Variants in LCMT1 observed in about 807,000 individuals in gnomAD.
The protein encoded by LCMT1 is [Phosphatase 2A protein]-leucine-carboxy methyltransferase 1.
In LCMT1, 32 loss-of-function variants were observed where a neutral mutation model predicts 47.7. That is an observed-to-expected ratio of 0.67 (90% confidence interval 0.51 to 0.90). The LOEUF (loss-of-function observed/expected upper bound fraction) is 0.90, where lower values mean the gene tolerates loss of function less well. LCMT1 is among the 40% of genes least tolerant of loss of function. LCMT1 has a pLI of 0.00. For synonymous variants in LCMT1, 152 were observed against 149.7 expected (o/e 1.02, Z -0.11); for missense variants, 375 against 415.2 (o/e 0.90, Z 0.84).
intron 9 of LCMT1, 189 bp from the exon 10 acceptor site, chr16:25,174,748 T>C (rs1961875811): frequency 5.5e-6 from 2 of 363,246 alleles, no homozygotes; most frequent in Admixed American, 4.8e-5. Flanking sequence ...ATTTTGACTT[T>C]GTTTATGGTA....
In LCMT1 at chr16:25,168,884, A is replaced by G. The variant is rs141554752; in HGVS notation, c.691-228A>G. On this transcript the variant is annotated intron_variant, in intron 7 of 10. Coordinates refer to ENST00000399069, the MANE Select transcript of LCMT1 (RefSeq NM_016309.3). ...CTTTTGGTGGAATTGGTGGATCACA[A>G]GTTGAGCATTTAAAATGGTTGTATC... 1.4e-3 allele frequency among the ~76,000 whole-genome samples: 206 copies of G among 152,256 alleles called. 1 individual carries two copies. Among genetic ancestry groups the G allele is most frequent in the African/African-American group, 4.8e-3 (199 of 41,536 alleles).
intron 2 of LCMT1, 34 bp downstream of exon 2, chr16:25,128,600 A>C: frequency 7.0e-4 from 1,033 of 1,481,908 alleles, no homozygotes; most frequent in Non-Finnish European, 8.8e-4. Context: ...ACAGCACCTC[A>C]TCAGCTACCT....
At chr16:25,163,126 T>G (rs1193188447) in intron 6 of LCMT1, among the ~76,000 whole-genome samples, 1 of 152,206 alleles carries the variant, frequency 6.6e-6, no homozygotes, top group Non-Finnish European at 1.5e-5. Context: ...CCTCCCAAAG[T>G]GTTGGAATTA....
At position 25,128,120 on chromosome 16, in the gene LCMT1, A is replaced by C. The variant is rs141489534; in HGVS notation, c.114-355A>C. On this transcript the variant is annotated intron_variant, in intron 1 of 10. Coordinates refer to ENST00000399069, the MANE Select transcript of LCMT1 (RefSeq NM_016309.3). ...CTTTTTCATTTAGTGGAATTAACTG[A>C]CTAGCTCTGGCCATGAGTTTGCAGA... Among the ~76,000 whole-genome samples the C allele has an allele frequency of 7.9e-3, 1,203 of 152,302 alleles. 13 individuals are homozygous for C. Among genetic ancestry groups the C allele is most frequent in the Non-Finnish European group, 0.01 (686 of 68,026 alleles).
At chr16:25,153,610 A>T (rs1257439055) in intron 5 of LCMT1, among the ~76,000 whole-genome samples, 1 of 152,166 alleles carries the variant, frequency 6.6e-6, no homozygotes, top group Non-Finnish European at 1.5e-5. Context: ...GGAGGGACAC[A>T]TTCAAACCAT....
intron 4 of LCMT1, chr16:25,147,399 CG>C (rs1960894418): frequency 6.6e-6 from 1 of 152,122 alleles, no homozygotes; most frequent in South Asian, 2.1e-4. Context: ...AGGGAGTGCT[CG>C]GGGCCTGAGG....
chr16:25,166,944 C>G (rs2141707293), intron 7 of LCMT1, among the ~76,000 whole-genome samples: 1 of 152,298 alleles, frequency 6.6e-6, no homozygotes, highest in East Asian at 1.9e-4. Flanking sequence ...TTCAGGATAA[C>G]CACATCTGGG....
At chr16:25,165,343 G>T (rs1961555285) in intron 7 of LCMT1, among the ~76,000 whole-genome samples, 1 of 152,166 alleles carries the variant, frequency 6.6e-6, no homozygotes, top group Non-Finnish European at 1.5e-5. Context: ...CTGCTTTAGA[G>T]CTTTGGAATA....
chr16:25,165,057 G>T (rs1299681021), intron 7 of LCMT1, among the ~76,000 whole-genome samples: 1 of 152,106 alleles, frequency 6.6e-6, no homozygotes, highest in Non-Finnish European at 1.5e-5. Flanking sequence ...GGACAGGCAG[G>T]TGGGGTCAGT....
At chr16:25,120,752 G>T (rs146770935) in intron 1 of LCMT1, among the ~76,000 whole-genome samples, 1,917 of 113,908 alleles carry the variant, frequency 0.017, 48 homozygotes, top group African/African-American at 0.051. Flanking sequence ...TTTTTTTTTT[G>T]TTTTTTTTTT....
At chr16:25,152,687 AT>A (rs1176223603) in intron 5 of LCMT1, among the ~76,000 whole-genome samples, 3 of 152,154 alleles carry the variant, frequency 2.0e-5, no homozygotes, top group African/African-American at 7.2e-5. Context: ...CATGGGAACA[AT>A]TAAATAGTGG....
chr16:25,163,536 A>G (rs1181304657), intron 6 of LCMT1, among the ~76,000 whole-genome samples: 4 of 151,864 alleles, frequency 2.6e-5, no homozygotes, highest in African/African-American at 4.8e-5. Context: ...TCATTTGTCT[A>G]TTCACTCATT....
Position 25,169,162 on chromosome 16 carries a change from A to T in LCMT1, c.741A>T (p.Arg247Ser). 1 of 1,613,628 alleles carries T rather than the reference A, an allele frequency of 6.2e-7. No homozygotes were observed. Among genetic ancestry groups the T allele is most frequent in the Non-Finnish European group, 8.5e-7 (1 of 1,179,826 alleles). The change falls in exon 8 of 11, where the codon AGA becomes AGT. Residue 247 changes from arginine to serine, a missense_variant. Coordinates refer to ENST00000399069, the MANE Select transcript of LCMT1 (RefSeq NM_016309.3). ...AGATCATGATTGAAAACCTGCGGAGACGCCAGTGTGACCTGGCGGGAGTGG... is the reference window on the plus strand; with the variant it reads ...AGATCATGATTGAAAACCTGCGGAGTCGCCAGTGTGACCTGGCGGGAGTGG... ...FGQIMIENLR[R>S]RQCDLAGVET...
intron 7 of LCMT1, among the ~76,000 whole-genome samples, chr16:25,167,293 T>G (rs1459627491): frequency 4.6e-5 from 7 of 152,150 alleles, no homozygotes; most frequent in African/African-American, 1.7e-4. Flanking sequence ...TCACATGCTT[T>G]ACATTGTTTG....
intron 7 of LCMT1, among the ~76,000 whole-genome samples, chr16:25,165,114 A>G (rs1961549033): frequency 1.4e-5 from 2 of 146,378 alleles, no homozygotes; most frequent in Non-Finnish European, 3.0e-5. Context: ...GGGACTGGTG[A>G]AACGGAGCAC....
At position 25,151,520 on chromosome 16, in the gene LCMT1, A is replaced by C. The variant is rs58980324; in HGVS notation, c.405-34A>C. Reference sequence around the variant, plus strand: ...CATGAGTAAATTGAGGAGCAAATAGACTCATTTTTCTCCTCTTTCCCATCT... The same window carrying C: ...CATGAGTAAATTGAGGAGCAAATAGCCTCATTTTTCTCCTCTTTCCCATCT... On this transcript the variant is annotated intron_variant, in intron 4 of 10. Transcript: ENST00000399069. 819 of 1,553,836 alleles carry C rather than the reference A, an allele frequency of 5.3e-4. 8 individuals are homozygous for C. The African/African-American group carries it at 0.01, about 20-fold the overall frequency.
intron 3 of LCMT1, among the ~76,000 whole-genome samples, chr16:25,133,860 C>A (rs1412784799): frequency 6.6e-6 from 1 of 151,172 alleles, no homozygotes; most frequent in Non-Finnish European, 1.5e-5. Flanking sequence ...ATGGTGAAAC[C>A]CTGTCTCTGT....
intron 1 of LCMT1, among the ~76,000 whole-genome samples, chr16:25,116,466 C>T (rs1456467662): frequency 2.6e-5 from 4 of 152,002 alleles, no homozygotes; most frequent in Non-Finnish European, 2.9e-5. Context: ...GGGTGGTCTG[C>T]GCGATTGTTT....
chr16:25,122,333 TCTCA>T (rs1960016527), intron 1 of LCMT1, among the ~76,000 whole-genome samples: 1 of 152,058 alleles, frequency 6.6e-6, no homozygotes, highest in Non-Finnish European at 1.5e-5. Context: ...TTTGAGACAG[TCTCA>T]CTCTGTCGCC....
Sources: allele counts gnomAD v4.1 joint callset (sites outside exome capture counted in the v4.1 genomes callset), GRCh38; gene constraint gnomAD v4.1.1; transcripts MANE v1.5; gene names NCBI Gene and HGNC (gene_info 2026-07-23, HGNC 2026-07-21).